The following MTR variants were observed in gnomAD, a reference collection of about 807,000 sequenced individuals.
MTR encodes methionine synthase.
MTR carries 84 observed loss-of-function variants against 154.8 expected under a neutral mutation model. That is an observed-to-expected ratio of 0.54 (90% CI 0.45 to 0.65). The LOEUF is 0.65. Among genes scored for constraint, MTR ranks in the 30% least tolerant of loss-of-function variants. The pLI is 0.00. For missense variants in MTR, 1,275 were observed against 1,570.2 expected, an observed-to-expected ratio of 0.81 and a Z score of 3.18; for synonymous variants, 554 against 553.9, an observed-to-expected ratio of 1.00 and a Z score of 0.00.
chr1:236,823,209 C>T lies in MTR; in HGVS notation c.765-910C>T, dbSNP rs543856272. 9.2e-5 allele frequency among the ~76,000 whole-genome samples: 14 copies of T among 152,198 alleles called. No homozygotes were observed. In the South Asian group the frequency reaches 2.7e-3, roughly 29 times the overall value. On this transcript the variant is annotated intron_variant, in intron 8 of 32. Transcript: ENST00000366577. The stretch of plus-strand genomic sequence containing the variant: ...GAGTATATTACTATAGGTTGAGTAT[C>T]CCTCATCTGAAATGCTTGGGACCAG...
intron 14 of MTR, among the ~76,000 whole-genome samples, chr1:236,835,953 T>C (rs532935663): frequency 6.6e-5 from 10 of 152,262 alleles, no homozygotes; most frequent in African/African-American, 2.2e-4. Flanking sequence ...TCCTCAGATG[T>C]CTGGACAGAC....
At chr1:236,897,310 G>GCACGCGCACACACACACACACA (rs1373475510) in intron 32 of MTR, among the ~76,000 whole-genome samples, 192 bp downstream of exon 32, 11 of 128,682 alleles carry the variant, frequency 8.5e-5, no homozygotes, top group African/African-American at 3.0e-4. Flanking sequence ...CCACACACAC[G>GCACGCGCACACACACACACACA]CACACACACA....
At chr1:236,797,787 C>A (rs1660477277) in intron 1 of MTR, among the ~76,000 whole-genome samples, 1 of 151,750 alleles carries the variant, frequency 6.6e-6, no homozygotes, top group Non-Finnish European at 1.5e-5. Flanking sequence ...GGTGAAACCC[C>A]ATCTGTACTA....
chr1:236,860,918 C>T (rs557168769), intron 19 of MTR, among the ~76,000 whole-genome samples: 11 of 152,074 alleles, frequency 7.2e-5, no homozygotes, highest in Non-Finnish European at 1.5e-4. Context: ...ATATGAGATA[C>T]TATTGTAATA....
chr1:236,820,773 T>C (rs559463338), intron 8 of MTR, among the ~76,000 whole-genome samples: 1 of 152,304 alleles, frequency 6.6e-6, no homozygotes, highest in African/African-American at 2.4e-5. Context: ...CTACCAGCAG[T>C]GAAGGAGAGT....
chr1:236,893,301 C>T (rs11802532), intron 29 of MTR, among the ~76,000 whole-genome samples: 31,201 of 152,074 alleles, frequency 0.21, 3,367 homozygotes, highest in South Asian at 0.31. Context: ...AATTTCCTGC[C>T]CTGTGTCAAT....
At chr1:236,846,649 G>C (rs1230268304) in intron 15 of MTR, among the ~76,000 whole-genome samples, 2 of 152,040 alleles carry the variant, frequency 1.3e-5, no homozygotes, top group East Asian at 3.9e-4. Flanking sequence ...TCATTCAATG[G>C]AGTTTTGTAA....
intron 22 of MTR, among the ~76,000 whole-genome samples, chr1:236,867,432 G>C (rs867251632): frequency 6.6e-6 from 1 of 152,148 alleles, no homozygotes; most frequent in South Asian, 2.1e-4. Flanking sequence ...CATTGACAGT[G>C]CACCTGGTCA....
chr1:236,796,111 C>T (rs1660373199), intron 1 of MTR, among the ~76,000 whole-genome samples: 1 of 151,904 alleles, frequency 6.6e-6, no homozygotes, highest in Non-Finnish European at 1.5e-5. Context: ...ATATGTATTG[C>T]GCACCTACTG....
chr1:236,862,835 G>T (rs370743757), intron 21 of MTR, among the ~76,000 whole-genome samples: 13 of 152,268 alleles, frequency 8.5e-5, no homozygotes, highest in African/African-American at 3.1e-4. Context: ...TAAGCTTTTT[G>T]ACCTTGTTTA....
intron 25 of MTR, among the ~76,000 whole-genome samples, chr1:236,883,433 A>G (rs1021468947): frequency 3.9e-5 from 6 of 152,158 alleles, no homozygotes; most frequent in Non-Finnish European, 7.4e-5. Context: ...TGTTCTGTCT[A>G]CACAATAGCA....
rs1161425150 is a variant in MTR, at chr1:236,891,756, T to C, written c.3204+427T>C. ...AGGGGAAGACAGGTGGAAACAAACA[T>C]TTGCAGAATGTATACCAGGTGCCAG... On this transcript the variant is annotated intron_variant, in intron 29 of 32. Coordinates refer to ENST00000366577, the MANE Select transcript of MTR (RefSeq NM_000254.3). Among the ~76,000 whole-genome samples, 3 of 152,168 alleles carry C rather than the reference T, an allele frequency of 2.0e-5. No homozygotes were observed. The East Asian group carries it at 5.8e-4, about 29-fold the overall frequency.
chr1:236,825,841 T>G (rs987731778), intron 10 of MTR, among the ~76,000 whole-genome samples: 5 of 152,240 alleles, frequency 3.3e-5, no homozygotes, highest in Non-Finnish European at 7.3e-5. Context: ...CACTGCTGCT[T>G]CTTATTGCAC....
At chr1:236,832,546 G>C (rs1662672169) in intron 13 of MTR, among the ~76,000 whole-genome samples, 1 of 152,190 alleles carries the variant, frequency 6.6e-6, no homozygotes, top group East Asian at 1.9e-4. Flanking sequence ...CCTTGCCTTG[G>C]AAAGTTTATG....
chr1:236,812,641 CA>C, intron 5 of MTR, 96 bp from the exon 6 acceptor site: 3 of 907,880 alleles, frequency 3.3e-6, no homozygotes, highest in Non-Finnish European at 5.6e-6. Flanking sequence ...TGTAAACCAG[CA>C]ATAGTTCACA....
intron 12 of MTR, 33 bp downstream of exon 12, chr1:236,829,301 A>G: frequency 6.4e-7 from 1 of 1,554,620 alleles, no homozygotes; most frequent in South Asian, 1.1e-5. Context: ...TCCTGATTGC[A>G]GAAACCATTT....
chr1:236,820,504 C>G (rs1661868407), intron 8 of MTR: 1 of 1,056,830 alleles, frequency 9.5e-7, no homozygotes, highest in Non-Finnish European at 1.4e-6. Context: ...GTAGCAGCAA[C>G]CACTGAATGG....
chr1:236,895,287 G>C (rs1272672967), intron 30 of MTR, 71 bp from the exon 31 acceptor site: 2 of 1,504,106 alleles, frequency 1.3e-6, no homozygotes, highest in Non-Finnish European at 1.8e-6. Flanking sequence ...TCTAATTCAG[G>C]GGGTGGAGGC....
chr1:236,892,439 G>A (rs1666381577), intron 29 of MTR, among the ~76,000 whole-genome samples: 1 of 152,142 alleles, frequency 6.6e-6, no homozygotes, highest in South Asian at 2.1e-4. Flanking sequence ...CCATGATCAT[G>A]CCACTGTATT....
Sources: gnomAD v4.1 joint callset for allele counts (sites outside exome capture counted in the v4.1 genomes callset) on GRCh38, gnomAD v4.1.1 for gene constraint, MANE v1.5 for transcripts, NCBI Gene and HGNC (gene_info 2026-07-23, HGNC 2026-07-21) for gene names.